The following XYLB variants were observed in gnomAD, a reference collection of about 807,000 sequenced individuals.
The protein encoded by XYLB is xylulokinase.
XYLB carries 62 observed loss-of-function variants against 78.7 expected under a neutral mutation model. That is an observed-to-expected ratio of 0.79 (90% confidence interval 0.64 to 0.97). The LOEUF is 0.97. XYLB is among the 50% of genes least tolerant of loss of function. The pLI, the probability that XYLB is intolerant of heterozygous loss-of-function variation, is 0.00. For synonymous variants in XYLB, 245 were observed against 247.4 expected, an observed-to-expected ratio of 0.99 and a Z score of 0.09; for missense variants, 687 against 676.8, an observed-to-expected ratio of 1.02 and a Z score of -0.17.
At chr3:38,368,305 A>T (rs934317399) in intron 8 of XYLB, 48 bp downstream of exon 8, 2 of 1,578,466 alleles carry the variant, frequency 1.3e-6, no homozygotes, top group Admixed American at 1.7e-5. Flanking sequence ...TGCATGTGGC[A>T]TGTGGGTGTG....
At chr3:38,423,204 C>G (rs963435109), downstream of XYLB, among the ~76,000 whole-genome samples, 4 of 152,026 alleles carry the variant, frequency 2.6e-5, no homozygotes, top group Non-Finnish European at 5.9e-5. Context: ...TCCCGAGTAG[C>G]TGGGACTATA....
intron 18 of XYLB, among the ~76,000 whole-genome samples, chr3:38,409,980 T>C (rs932184471): frequency 2.0e-5 from 3 of 152,210 alleles, no homozygotes; most frequent in Admixed American, 2.0e-4. Context: ...ATAGATTCAA[T>C]GCCATCCCCA....
At chr3:38,384,660 T>C (rs1707302697) in intron 15 of XYLB, among the ~76,000 whole-genome samples, 1 of 149,000 alleles carries the variant, frequency 6.7e-6, no homozygotes, top group South Asian at 2.2e-4. Context: ...AAGAAGCAAA[T>C]GCCCCCTTCA....
chr3:38,378,378 G>A (rs950271244), intron 14 of XYLB, among the ~76,000 whole-genome samples: 2 of 152,238 alleles, frequency 1.3e-5, no homozygotes, highest in East Asian at 3.9e-4. Flanking sequence ...GCTCCCCAGA[G>A]CCTGCTGTCT....
intron 3 of XYLB, among the ~76,000 whole-genome samples, chr3:38,360,684 C>A (rs1249054218): frequency 6.6e-6 from 1 of 152,202 alleles, no homozygotes; most frequent in Non-Finnish European, 1.5e-5. Context: ...TAACACAGAG[C>A]AAATCTTTTC....
At chr3:38,384,786 A>G (rs149111072) in intron 15 of XYLB, among the ~76,000 whole-genome samples, 5 of 152,284 alleles carry the variant, frequency 3.3e-5, no homozygotes, top group African/African-American at 9.6e-5. Context: ...ATTTACAAAA[A>G]TGGCAATTTC....
At chr3:38,379,396 A>C (rs1707035894) in intron 15 of XYLB, 54 bp downstream of exon 15, 2 of 1,572,850 alleles carry the variant, frequency 1.3e-6, no homozygotes, top group Non-Finnish European at 1.7e-6. Context: ...GGGCCAGCTC[A>C]CTCGCAGGGG....
chr3:38,445,402 C>G, the XYLB span, among the ~76,000 whole-genome samples: 3 of 152,158 alleles, frequency 2.0e-5, no homozygotes, highest in Non-Finnish European at 4.4e-5. Flanking sequence ...TACTAGACAT[C>G]ATTCTTATAG....
chr3:38,354,290 A>T (rs975905684), intron 2 of XYLB, among the ~76,000 whole-genome samples: 6 of 151,640 alleles, frequency 4.0e-5, no homozygotes, highest in African/African-American at 1.5e-4. Flanking sequence ...TTGGTCTCTA[A>T]CTCCTGACCT....
the XYLB span, among the ~76,000 whole-genome samples, chr3:38,430,013 C>G: frequency 6.6e-6 from 1 of 152,206 alleles, no homozygotes; most frequent in African/African-American, 2.4e-5. Flanking sequence ...CCACAGTAAA[C>G]ATATGTGTTC....
chr3:38,357,649 G>T (rs1292838580), intron 2 of XYLB, among the ~76,000 whole-genome samples: 2 of 152,212 alleles, frequency 1.3e-5, no homozygotes, highest in Non-Finnish European at 2.9e-5. Context: ...GCCTCCCAAA[G>T]TGCTGGGATT....
At chr3:38,430,132 C>T in the XYLB span, among the ~76,000 whole-genome samples, 1 of 152,230 alleles carries the variant, frequency 6.6e-6, no homozygotes, top group Admixed American at 6.5e-5. Flanking sequence ...AATCACCACA[C>T]TGTCTTCCAC....
chr3:38,416,003 T>C (rs548539137), downstream of XYLB, among the ~76,000 whole-genome samples: 9 of 152,164 alleles, frequency 5.9e-5, no homozygotes, highest in African/African-American at 2.2e-4. Flanking sequence ...TCAGATCTCG[T>C]GAGAACTCTC....
At chr3:38,431,860 T>G in the XYLB span, among the ~76,000 whole-genome samples, 1 of 152,162 alleles carries the variant, frequency 6.6e-6, no homozygotes, top group Non-Finnish European at 1.5e-5. Flanking sequence ...GAGAACTCAC[T>G]ATCATTAGAA....
intron 9 of XYLB, among the ~76,000 whole-genome samples, chr3:38,371,687 C>T (rs1436740060): frequency 2.0e-5 from 3 of 152,140 alleles, no homozygotes; most frequent in Non-Finnish European, 4.4e-5. Context: ...CGTGCTCGGC[C>T]GTTTTTCTTG....
chr3:38,447,658 C>T, the XYLB span, among the ~76,000 whole-genome samples: 1 of 151,968 alleles, frequency 6.6e-6, no homozygotes, highest in Non-Finnish European at 1.5e-5. Flanking sequence ...GGAATGTAAA[C>T]TAGCACAGTT....
At chr3:38,361,226 T>C (rs1398850059) in intron 3 of XYLB, among the ~76,000 whole-genome samples, 2 of 152,050 alleles carry the variant, frequency 1.3e-5, no homozygotes, top group Non-Finnish European at 2.9e-5. Context: ...CAGGATCTGG[T>C]GACCTAGGGG....
At chr3:38,376,838 G>C (rs1706881805) in intron 13 of XYLB, 80 bp from the exon 14 acceptor site, 1 of 1,259,864 alleles carries the variant, frequency 7.9e-7, no homozygotes, top group Non-Finnish European at 1.1e-6. Flanking sequence ...GGGTCATTTT[G>C]TCCTGTTCTA....
At chr3:38,442,182 C>T in the XYLB span, among the ~76,000 whole-genome samples, 2 of 152,162 alleles carry the variant, frequency 1.3e-5, no homozygotes, top group Admixed American at 6.6e-5. Context: ...GGCCCTGGTT[C>T]CTCTGGCTAA....
Sources: gnomAD v4.1 joint callset for allele counts (sites outside exome capture counted in the v4.1 genomes callset) on GRCh38, gnomAD v4.1.1 for gene constraint, MANE v1.5 for transcripts, NCBI Gene and HGNC (gene_info 2026-07-23, HGNC 2026-07-21) for gene names.